SLC4A8: variants seen among roughly 807,000 people sequenced by gnomAD.
SLC4A8 encodes the protein solute carrier family 4 member 8, also known as electroneutral sodium bicarbonate exchanger 1.
SLC4A8 carries 40 observed loss-of-function variants against 125.0 expected under a neutral mutation model. The ratio of observed to expected loss-of-function variants is 0.32; its 90% confidence interval spans 0.25 to 0.42. SLC4A8 has a LOEUF of 0.42. Ranked by LOEUF, SLC4A8 falls within the 10% of genes least tolerant of loss-of-function variation. SLC4A8 has a pLI of 1.00. For missense variants in SLC4A8, 863 were observed against 1,355.1 expected (o/e 0.64, Z 5.70); for synonymous variants, 456 against 476.0 (o/e 0.96, Z 0.55).
rs1222568918 is a variant in SLC4A8, at chr12:51,512,489, T to G, written c.*5051T>G. 3 of 152,360 alleles carry G rather than the reference T, an allele frequency of 2.0e-5. No individual in the cohort carries two copies. Among genetic ancestry groups the G allele is most frequent in the Non-Finnish European group, 4.4e-5 (3 of 68,044 alleles). 9.4% of individuals were successfully genotyped at this position (152,360 alleles called of 1,614,324 possible). On this transcript the variant is annotated 3_prime_UTR_variant, in exon 25 of 25. Transcript: ENST00000453097. ...GGTAGGAACCATTCCCTACTCTTAC[T>G]CCCTCCTCTTGTCCAACTTCCACCA...
At chr12:51,457,262 C>T in intron 5 of SLC4A8, 89 bp from the exon 6 acceptor site, 3 of 1,083,126 alleles carry the variant, frequency 2.8e-6, no homozygotes, top group South Asian at 3.1e-5. Context: ...CCCCCTACTC[C>T]ATGCCCTTTA....
intron 22 of SLC4A8, among the ~76,000 whole-genome samples, chr12:51,499,693 G>C (rs1023809589): frequency 1.1e-4 from 16 of 151,582 alleles, no homozygotes; most frequent in Admixed American, 2.0e-4. Context: ...GTTTTAAGAA[G>C]GTAGGGAGTG....
At position 51,509,793 on chromosome 12, in the gene SLC4A8, C is replaced by T. The variant is rs1285902351; in HGVS notation, c.*2355C>T. 2 of 152,182 alleles carry T rather than the reference C, an allele frequency of 1.3e-5. No homozygotes were observed. The highest frequency in any genetic ancestry group is 2.9e-5 in the Non-Finnish European group (2 of 68,062). 9.4% of individuals were successfully genotyped at this position (152,182 alleles called of 1,614,324 possible). ...TAGGGTACTTCTCGAGCTAGACCCT[C>T]CTGGATCACTGCGCCTTAGGAATGT... is the stretch of plus-strand genomic sequence containing the variant. On this transcript the variant is annotated 3_prime_UTR_variant, in exon 25 of 25. Transcript: ENST00000453097.
chr12:51,452,390 A>G, intron 4 of SLC4A8, 131 bp downstream of exon 4: 2 of 1,028,802 alleles, frequency 1.9e-6, no homozygotes, highest in Admixed American at 3.9e-5. Context: ...CTGACATTCC[A>G]GTGTCTCCTG....
In SLC4A8 at chr12:51,462,100, A is replaced by T. The variant is rs1950345015; in HGVS notation, c.1102-210A>T. The T allele has an allele frequency of 1.3e-5, 7 of 559,912 alleles. No individual in the cohort carries two copies. In the East Asian group the frequency reaches 2.2e-4, roughly 17 times the overall value. 34.7% of individuals were successfully genotyped at this position (559,912 alleles called of 1,614,324 possible). A position where few individuals can be genotyped will look rare whatever the true frequency, so the allele number is the denominator to read the frequency against. ...TCTCTTCTTATACTAGCAGACATGT[A>T]TTTAGTTCTTTTAATGCATCTCATT... On this transcript the variant is annotated intron_variant, in intron 9 of 24. Transcript: ENST00000453097.
intron 10 of SLC4A8, chr12:51,462,795 A>T: frequency 6.4e-6 from 1 of 156,890 alleles, no homozygotes; most frequent in Non-Finnish European, 1.4e-5. Context: ...TGGGAGGCTG[A>T]GGCAGGAGAA....
At chr12:51,437,772 G>A (rs1949466676) in intron 1 of SLC4A8, among the ~76,000 whole-genome samples, 1 of 152,200 alleles carries the variant, frequency 6.6e-6, no homozygotes, top group Non-Finnish European at 1.5e-5. Context: ...GAAATGGCAT[G>A]TTAGATGACT....
chr12:51,470,549 A>C, intron 13 of SLC4A8, 24 bp downstream of exon 13: 1 of 1,606,556 alleles, frequency 6.2e-7, no homozygotes, highest in South Asian at 1.1e-5. Context: ...TTTTCTGAAA[A>C]CTCTAACCAG....
chr12:51,424,664 G>A (rs1948896379), upstream of SLC4A8: 1 of 401,698 alleles, frequency 2.5e-6, no homozygotes, highest in South Asian at 3.6e-5. Context: ...AGAGGCCCCT[G>A]AAGGGAGGGA....
chr12:51,409,343 G>T (rs1187003581), intron 1 of SLC4A8, among the ~76,000 whole-genome samples: 1 of 151,954 alleles, frequency 6.6e-6, no homozygotes, highest in Non-Finnish European at 1.5e-5. Flanking sequence ...CTCTTTGCTT[G>T]CTAATATAAC....
chr12:51,459,873 A>G, intron 7 of SLC4A8, 78 bp from the exon 8 acceptor site: 2 of 1,320,550 alleles, frequency 1.5e-6, no homozygotes, highest in Non-Finnish European at 2.1e-6. Context: ...TGTCTCAAAA[A>G]AAAGTAAATA....
At chr12:51,431,400 T>A (rs1949180884) in intron 1 of SLC4A8, among the ~76,000 whole-genome samples, 1 of 152,214 alleles carries the variant, frequency 6.6e-6, no homozygotes, top group Non-Finnish European at 1.5e-5. Context: ...AGAGGACTAT[T>A]AATCTATCAC....
intron 22 of SLC4A8, chr12:51,497,381 A>G (rs1951490504): frequency 4.9e-6 from 2 of 405,144 alleles, no homozygotes; most frequent in Admixed American, 4.2e-5. Flanking sequence ...CAATGTGAAC[A>G]TACAGTATGC....
rs191874624 is a variant in SLC4A8 at position 51,488,716 on chromosome 12, C to T, written c.2304C>T (p.Arg768=). ...PSVFKPTRDD[R]GWIINPIGPN... ...CCCCTTAGCCAACAAGGGATGATCG[C>T]GGATGGATTATTAATCCCATTGGCC... is the stretch of plus-strand genomic sequence containing the variant. Residue 768 remains arginine (R), a synonymous_variant, in exon 18 of 25, where the codon CGC becomes CGT. Transcript: ENST00000453097. 14 of 1,613,532 alleles carry T rather than the reference C, an allele frequency of 8.7e-6. No individual in the cohort carries two copies. The East Asian group carries it at 8.9e-5, about 10-fold the overall frequency.
upstream of SLC4A8, among the ~76,000 whole-genome samples, chr12:51,420,441 G>A (rs1948764431): frequency 6.6e-6 from 1 of 152,160 alleles, no homozygotes; most frequent in South Asian, 2.1e-4. Flanking sequence ...TCTTATATTT[G>A]TGTCTGTCTC....
chr12:51,469,794 G>A lies in SLC4A8; in HGVS notation c.1524+6G>A. Reference sequence around the variant, plus strand: ...AAGCCACTGAGGGACGCATAGTAAGGACTTTTAACCACTTCTAATGATCCC... The same window carrying A: ...AAGCCACTGAGGGACGCATAGTAAGAACTTTTAACCACTTCTAATGATCCC... On this transcript the variant is annotated splice_donor_region_variant and intron_variant, in intron 12 of 24. Transcript: ENST00000453097. 7 of 1,613,872 alleles carry A rather than the reference G, an allele frequency of 4.3e-6. No homozygotes were observed. The highest frequency in any genetic ancestry group is 5.1e-6 in the Non-Finnish European group (6 of 1,179,836).
intron 1 of SLC4A8, chr12:51,392,974 A>G (rs1948178161): frequency 6.6e-6 from 1 of 151,686 alleles, no homozygotes; most frequent in Non-Finnish European, 1.5e-5. Flanking sequence ...ATTTAAATAA[A>G]TTTGTCTTTC....
chr12:51,436,449 C>G (rs1949416207), intron 1 of SLC4A8, among the ~76,000 whole-genome samples: 1 of 151,970 alleles, frequency 6.6e-6, no homozygotes, highest in African/African-American at 2.4e-5. Context: ...TGGGGAATTA[C>G]TTTAAAATTT....
At chr12:51,440,989 A>C in intron 2 of SLC4A8, 200 bp downstream of exon 2, 2 of 1,015,570 alleles carry the variant, frequency 2.0e-6, no homozygotes, top group Non-Finnish European at 2.6e-6. Flanking sequence ...GGATATCATT[A>C]GGATCTAATT....
Sources: gnomAD v4.1 joint callset for allele counts (sites outside exome capture counted in the v4.1 genomes callset) on GRCh38, gnomAD v4.1.1 for gene constraint, MANE v1.5 for transcripts, NCBI Gene and HGNC (gene_info 2026-07-23, HGNC 2026-07-21) for gene names.